Variants in CNTFR observed in about 807,000 individuals in gnomAD.
The protein encoded by CNTFR is ciliary neurotrophic factor receptor subunit alpha.
Under a neutral mutation model 40.4 loss-of-function variants are expected in CNTFR, and 12 were observed. That is an observed-to-expected ratio of 0.30 (90% CI 0.19 to 0.48). The LOEUF is 0.48. Ranked by LOEUF, CNTFR falls within the 20% of genes least tolerant of loss-of-function variation. CNTFR has a pLI of 0.99. For missense variants in CNTFR, 414 were observed against 506.8 expected (o/e 0.82, Z 1.76); for synonymous variants, 202 against 209.6 (o/e 0.96, Z 0.31).
chr9:34,558,430 A>G (rs2132134780), intron 4 of CNTFR, among the ~76,000 whole-genome samples: 1 of 152,272 alleles, frequency 6.6e-6, no homozygotes, highest in South Asian at 2.1e-4. Context: ...TAGAGAAGAG[A>G]CACCCCAGAC....
intron 1 of CNTFR, among the ~76,000 whole-genome samples, chr9:34,583,022 C>T (rs1032120307): frequency 6.6e-6 from 1 of 152,204 alleles, no homozygotes; most frequent in African/African-American, 2.4e-5. Context: ...ACACCAGCTG[C>T]TTCCAGCAAT....
intron 7 of CNTFR, among the ~76,000 whole-genome samples, chr9:34,553,495 C>T (rs1018931595): frequency 6.6e-6 from 1 of 152,230 alleles, no homozygotes; most frequent in Non-Finnish European, 1.5e-5. Flanking sequence ...CTAGCACTGT[C>T]ATTACCATGG....
chr9:34,559,843 TACTC>T (rs1825998168), intron 4 of CNTFR, among the ~76,000 whole-genome samples: 1 of 152,116 alleles, frequency 6.6e-6, no homozygotes, highest in Non-Finnish European at 1.5e-5. Context: ...CACGGCACTG[TACTC>T]ACAGGCCCCC....
At position 34,552,434 on chromosome 9, in the gene CNTFR, G is replaced by C. The variant is rs1825670797; in HGVS notation, c.950-105C>G. On this transcript the variant is annotated intron_variant, in intron 8 of 9. Transcript: ENST00000378980. This position sits in a 1 kb window ranked among gnomAD's most constrained non-coding sequence, Gnocchi z 5.1. ...CTGCTTCCTGCATCAGACTGGTACT[G>C]CCTCCCCCATCAGGCAGATCCTGTT... 4 of 1,260,008 alleles carry C rather than the reference G, an allele frequency of 3.2e-6. No individual in the cohort carries two copies. The African/African-American group carries it at 6.0e-5, about 19-fold the overall frequency. 78.1% of individuals were successfully genotyped at this position (1,260,008 alleles called of 1,614,324 possible).
chr9:34,567,242 T>C (rs527739045), intron 3 of CNTFR, among the ~76,000 whole-genome samples: 5 of 151,958 alleles, frequency 3.3e-5, no homozygotes, highest in South Asian at 2.1e-4. Flanking sequence ...TGTGAAAAGG[T>C]TGTTAGAAGC....
intron 6 of CNTFR, among the ~76,000 whole-genome samples, chr9:34,556,927 C>G (rs533026556): frequency 6.6e-6 from 1 of 152,276 alleles, no homozygotes; most frequent in Non-Finnish European, 1.5e-5. Flanking sequence ...GGCTGGGGAT[C>G]TGATGAGCGC....
chr9:34,582,442 T>C (rs557041591), intron 1 of CNTFR: 1 of 152,276 alleles, frequency 6.6e-6, no homozygotes, highest in East Asian at 1.9e-4. Context: ...AAAGCCACTG[T>C]TGCTTCTATG....
chr9:34,565,191 G>A (rs1004785185), intron 3 of CNTFR, among the ~76,000 whole-genome samples: 1 of 151,968 alleles, frequency 6.6e-6, no homozygotes, highest in African/African-American at 2.4e-5. Flanking sequence ...GTTTTTTAAA[G>A]TTTCCTGACC....
At chr9:34,566,927 C>T (rs1049810268) in intron 3 of CNTFR, among the ~76,000 whole-genome samples, 5 of 152,026 alleles carry the variant, frequency 3.3e-5, no homozygotes, top group Admixed American at 1.3e-4. Flanking sequence ...CAGGGCAGAA[C>T]GAAAAAATGA....
At chr9:34,555,057 C>T (rs1185399004) in intron 7 of CNTFR, among the ~76,000 whole-genome samples, 1 of 152,248 alleles carries the variant, frequency 6.6e-6, no homozygotes, top group African/African-American at 2.4e-5. Flanking sequence ...GTGCATGTTC[C>T]CGTGTGTGTG....
chr9:34,558,924 T>G (rs1825958156), intron 4 of CNTFR, among the ~76,000 whole-genome samples: 1 of 152,174 alleles, frequency 6.6e-6, no homozygotes, highest in South Asian at 2.1e-4. Context: ...GCACTCTTTT[T>G]TGCTGCCGTG....
chr9:34,567,327 C>T (rs1826353678), intron 3 of CNTFR, among the ~76,000 whole-genome samples: 2 of 152,168 alleles, frequency 1.3e-5, no homozygotes, highest in Admixed American at 1.3e-4. Context: ...GGCTCCCTCA[C>T]ACCTGCACAC....
Position 34,557,655 on chromosome 9 carries a change from C to G in CNTFR, c.475G>C (p.Ala159Pro), listed in dbSNP as rs1825903332. 6.2e-7 allele frequency: 1 copy of G among 1,614,058 alleles called. No individual in the cohort carries two copies. Among genetic ancestry groups the G allele is most frequent in the Non-Finnish European group, 8.5e-7 (1 of 1,180,026 alleles). ...CGAATGTGGCAGCGGTTCTTGAGGGCTGGGTCCTTCTCACAGACCATAATT... is the reference window on the plus strand; with the variant it reads ...CGAATGTGGCAGCGGTTCTTGAGGGGTGGGTCCTTCTCACAGACCATAATT... ...SKIMVCEKDP[A>P]LKNRCHIRYM... Residue 159 changes from alanine to proline, a missense_variant, in exon 6 of 10, where the codon GCC becomes CCC. Transcript: ENST00000378980. This position sits in a 1 kb window ranked among gnomAD's most constrained non-coding sequence, Gnocchi z 4.2.
intron 6 of CNTFR, among the ~76,000 whole-genome samples, chr9:34,556,644 T>C (rs982034051): frequency 6.6e-5 from 10 of 152,172 alleles, no homozygotes; most frequent in Non-Finnish European, 1.3e-4. Flanking sequence ...CTACAGTCAC[T>C]GTCACCAACT....
At chr9:34,585,762 C>T (rs1298099896) in intron 1 of CNTFR, among the ~76,000 whole-genome samples, 1 of 152,180 alleles carries the variant, frequency 6.6e-6, no homozygotes, top group Non-Finnish European at 1.5e-5. Flanking sequence ...TGAGGTCTCC[C>T]CCACTACCCC....
intron 2 of CNTFR, among the ~76,000 whole-genome samples, chr9:34,572,065 G>T (rs993184280): frequency 6.6e-6 from 1 of 152,040 alleles, no homozygotes; most frequent in African/African-American, 2.4e-5. Context: ...AATGCAATGT[G>T]AGGCAAGAAC....
chr9:34,553,732 A>G (rs1472529876), intron 7 of CNTFR, among the ~76,000 whole-genome samples: 1 of 151,312 alleles, frequency 6.6e-6, no homozygotes, highest in African/African-American at 2.4e-5. Context: ...GTCTCCCCCA[A>G]CCCTCCAGGC....
chr9:34,564,607 T>G lies in CNTFR; in HGVS notation c.311A>C (p.His104Pro). The change falls in exon 4 of 10, where the codon CAT (histidine) becomes CCT (proline). Residue 104 changes from histidine (H) to proline (P), a missense_variant. His to Pro is a moderately conservative substitution (Grantham distance 77). Around this residue, in one of 3 missense-constraint regions of CNTFR, gnomAD observed 250 missense variants for 269.5 expected, o/e 0.93. Coordinates refer to ENST00000378980, the MANE Select transcript of CNTFR (RefSeq NM_147164.3). The stretch of plus-strand genomic sequence containing the variant: ...GTGGGGGCAACACTTACAGCCCACA[T>G]GCAGCAGGACTTGGTGGCGCAGGTG... The part of the protein sequence containing the change: ...SWHLRHQVLL[H>P]VGLPPREPVL... 6.2e-7 allele frequency: 1 copy of G among 1,607,356 alleles called. No individual in the cohort carries two copies. Among genetic ancestry groups the G allele is most frequent in the Non-Finnish European group, 8.5e-7 (1 of 1,177,428 alleles).
At chr9:34,570,440 G>C (rs141160697) in intron 2 of CNTFR, among the ~76,000 whole-genome samples, 2 of 152,140 alleles carry the variant, frequency 1.3e-5, no homozygotes, top group African/African-American at 2.4e-5. Context: ...TGAAGCCGTC[G>C]GCGACAAAGC....
Sources: allele counts gnomAD v4.1 joint callset (sites outside exome capture counted in the v4.1 genomes callset), GRCh38; gene constraint gnomAD v4.1.1; regional missense constraint gnomAD v4.1.1; non-coding constraint Gnocchi (gnomAD v3.1); transcripts MANE v1.5; gene names NCBI Gene and HGNC (gene_info 2026-07-23, HGNC 2026-07-21).